Variants in APBA2 observed in about 807,000 individuals in gnomAD.
APBA2 encodes amyloid-beta A4 precursor protein-binding family A member 2.
Under a neutral mutation model 75.0 loss-of-function variants are expected in APBA2, and 30 were observed. The ratio of observed to expected loss-of-function variants is 0.40; its 90% CI spans 0.30 to 0.54. APBA2 has a LOEUF of 0.54. Among genes scored for constraint, APBA2 ranks in the 20% least tolerant of loss-of-function variants. APBA2 has a pLI of 0.49. For missense variants in APBA2, 801 were observed against 1,016.1 expected, an observed-to-expected ratio of 0.79 and a Z score of 2.88; for synonymous variants, 444 against 409.6, an observed-to-expected ratio of 1.08 and a Z score of -1.01.
chr15:29,055,876 A>G (rs1436674492), intron 4 of APBA2, among the ~76,000 whole-genome samples: 3 of 152,126 alleles, frequency 2.0e-5, no homozygotes, highest in African/African-American at 7.2e-5. Flanking sequence ...ATTCACAGCA[A>G]TTCCGTGTTT....
At chr15:29,017,295 CCT>C (rs919724169) in intron 3 of APBA2, among the ~76,000 whole-genome samples, 10 of 151,932 alleles carry the variant, frequency 6.6e-5, no homozygotes, top group Non-Finnish European at 1.5e-4. Context: ...TTCTCTCTTT[CCT>C]CTCTTTCTGG....
chr15:28,893,553 A>C (rs916579542), intron 1 of APBA2, among the ~76,000 whole-genome samples: 4 of 152,216 alleles, frequency 2.6e-5, no homozygotes, highest in South Asian at 2.1e-4. Context: ...CATTGGGTGA[A>C]GTCGAGGTTT....
intron 3 of APBA2, among the ~76,000 whole-genome samples, chr15:29,025,121 C>T (rs114268693): frequency 0.024 from 3,052 of 126,996 alleles, 95 homozygotes; most frequent in African/African-American, 0.13. Flanking sequence ...ACATGTAATA[C>T]GTGGTTGTCT....
chr15:28,999,177 G>A (rs1031782597), intron 3 of APBA2, among the ~76,000 whole-genome samples: 2 of 150,836 alleles, frequency 1.3e-5, no homozygotes, highest in Non-Finnish European at 3.0e-5. Flanking sequence ...AGGCCAAAAT[G>A]TAAAGACAAA....
intron 2 of APBA2, among the ~76,000 whole-genome samples, chr15:28,946,238 G>A (rs189801630): frequency 6.6e-6 from 1 of 152,322 alleles, no homozygotes; most frequent in East Asian, 1.9e-4. Flanking sequence ...TGACAGAAAG[G>A]ACTTTGCAGA....
chr15:29,011,721 A>T (rs1157708751), intron 3 of APBA2, among the ~76,000 whole-genome samples: 1 of 152,238 alleles, frequency 6.6e-6, no homozygotes, highest in African/African-American at 2.4e-5. Context: ...GTGTTAAATT[A>T]TCCAGCTGCT....
chr15:29,045,739 T>C (rs1179760099), intron 3 of APBA2, among the ~76,000 whole-genome samples: 1 of 152,212 alleles, frequency 6.6e-6, no homozygotes, highest in African/African-American at 2.4e-5. Flanking sequence ...ACTGGCTTTC[T>C]ATGGGTGGAA....
At chr15:29,084,573 G>C (rs969124996) in intron 6 of APBA2, among the ~76,000 whole-genome samples, 1 of 152,102 alleles carries the variant, frequency 6.6e-6, no homozygotes, top group Non-Finnish European at 1.5e-5. Flanking sequence ...TAATTTCAAT[G>C]CTGTTATCAC....
intron 3 of APBA2, among the ~76,000 whole-genome samples, chr15:28,997,848 T>C (rs1183725489): frequency 6.6e-6 from 1 of 152,244 alleles, no homozygotes; most frequent in Non-Finnish European, 1.5e-5. Flanking sequence ...CTGGGCTCTC[T>C]TCCCAATTGC....
intron 3 of APBA2, among the ~76,000 whole-genome samples, chr15:29,005,374 C>G (rs539057848): frequency 6.2e-4 from 94 of 152,234 alleles, no homozygotes; most frequent in Non-Finnish European, 1.0e-3. Flanking sequence ...GGTCCTCCCA[C>G]CTTGGTCTCC....
In APBA2 at chr15:29,105,489, C is replaced by A. The variant is rs1343483535; in HGVS notation, c.1635C>A (p.Asp545Glu). The change falls in exon 11 of 15, where the codon GAC becomes GAA. Residue 545 changes from aspartate (D) to glutamate (E), a missense_variant. Physicochemically the swap from Asp to Glu is conservative, Grantham distance 45. Transcript: ENST00000683413. ...ACTTGAGCCAGAAGGAATACAGCGA[C>A]ATCATCAACACCCAGGAGATGTACA... ...PEDLSQKEYS[D>E]IINTQEMYND... is the part of the protein sequence containing the mutation. 19 of 1,614,018 alleles carry A rather than the reference C, an allele frequency of 1.2e-5. No individual in the cohort carries two copies. Among genetic ancestry groups the A allele is most frequent in the Non-Finnish European group, 1.4e-5 (17 of 1,180,046 alleles).
chr15:29,023,973 G>A (rs1311661724), intron 3 of APBA2, among the ~76,000 whole-genome samples: 2 of 148,330 alleles, frequency 1.3e-5, no homozygotes, highest in Admixed American at 6.7e-5. Context: ...GCATGATCTC[G>A]GCTCACTGCA....
intron 14 of APBA2, among the ~76,000 whole-genome samples, chr15:29,114,992 G>T (rs1211175047): frequency 6.6e-6 from 1 of 151,786 alleles, no homozygotes; most frequent in Non-Finnish European, 1.5e-5. Flanking sequence ...TGAGGAGAGT[G>T]TGAGTGGGTG....
At chr15:28,970,642 C>T (rs1218217195) in intron 2 of APBA2, 1 of 151,586 alleles carries the variant, frequency 6.6e-6, no homozygotes, top group South Asian at 2.1e-4. Context: ...CTGAAAGCGT[C>T]CTGGAAAATC....
intron 2 of APBA2, among the ~76,000 whole-genome samples, chr15:28,928,489 G>C (rs1566807496): frequency 6.6e-6 from 1 of 152,020 alleles, no homozygotes; most frequent in Non-Finnish European, 1.5e-5. Context: ...GAGGGCCAGC[G>C]GTCTATAGTC....
At chr15:29,061,406 A>G (rs2152902266) in intron 4 of APBA2, among the ~76,000 whole-genome samples, 1 of 152,290 alleles carries the variant, frequency 6.6e-6, no homozygotes, top group East Asian at 1.9e-4. Context: ...CAAGTGTAGA[A>G]TAGCTCCACA....
chr15:28,944,717 C>T (rs377235113), intron 2 of APBA2, among the ~76,000 whole-genome samples: 91 of 152,354 alleles, frequency 6.0e-4, no homozygotes, highest in African/African-American at 2.0e-3. Context: ...CAGAGAGGGG[C>T]AGGAGGAAGC....
intron 2 of APBA2, among the ~76,000 whole-genome samples, chr15:28,933,666 G>A (rs1477147039): frequency 1.3e-5 from 2 of 152,192 alleles, no homozygotes; most frequent in African/African-American, 4.8e-5. Context: ...CGAAGTCCTC[G>A]ACCTGAGGTT....
intron 6 of APBA2, among the ~76,000 whole-genome samples, chr15:29,087,573 C>T (rs983645763): frequency 1.2e-4 from 18 of 152,214 alleles, no homozygotes; most frequent in Non-Finnish European, 2.4e-4. Flanking sequence ...TCTTCTCTTT[C>T]GTATCAGCCA....
Sources: allele counts gnomAD v4.1 joint callset (sites outside exome capture counted in the v4.1 genomes callset), GRCh38; gene constraint gnomAD v4.1.1; transcripts MANE v1.5; gene names NCBI Gene and HGNC (gene_info 2026-07-23, HGNC 2026-07-21).